The following USP34 variants were observed in gnomAD, a reference collection of about 807,000 sequenced individuals.
USP34 encodes ubiquitin specific peptidase 34.
A neutral mutation model predicts 460.3 loss-of-function variants in USP34; 70 were observed. That is an observed-to-expected ratio of 0.15 (90% CI 0.13 to 0.19). The LOEUF is 0.19. Among genes scored for constraint, USP34 ranks in the 10% least tolerant of loss-of-function variants. USP34 has a pLI of 1.00. For synonymous variants in USP34, 1,647 were observed against 1,405.3 expected, an observed-to-expected ratio of 1.17 and a Z score of -3.85; for missense variants, 3,985 against 4,236.2, an observed-to-expected ratio of 0.94 and a Z score of 1.65.
rs139556988 is a variant in USP34 at position 61,232,128 on chromosome 2, T to A, written c.7113+324A>T. On this transcript the variant is annotated intron_variant, in intron 58 of 79. Transcript: ENST00000398571. The stretch of plus-strand genomic sequence containing the variant: ...CTATAGTACCCTACCATGGTTAGAA[T>A]GTGTAAGGATTTTAAAAGAATCAGT... Among the ~76,000 whole-genome samples, 600 of 152,254 alleles carry A rather than the reference T, an allele frequency of 3.9e-3. 3 individuals are homozygous for A. The highest frequency in any genetic ancestry group is 0.011 in the African/African-American group (447 of 41,572).
chr2:61,210,825 C>G (rs891576939), intron 69 of USP34, among the ~76,000 whole-genome samples: 2 of 152,128 alleles, frequency 1.3e-5, no homozygotes, highest in Non-Finnish European at 2.9e-5. Context: ...ATCTTCCCAC[C>G]TCAGCCCCCC....
At chr2:61,439,861 G>C (rs1262823896) in intron 1 of USP34, among the ~76,000 whole-genome samples, 1 of 152,166 alleles carries the variant, frequency 6.6e-6, no homozygotes, top group Non-Finnish European at 1.5e-5. Context: ...GCCCAGAGAG[G>C]TGTCTGGGTG....
At chr2:61,275,535 A>C (rs1050345097) in intron 41 of USP34, among the ~76,000 whole-genome samples, 1 of 152,036 alleles carries the variant, frequency 6.6e-6, no homozygotes, top group African/African-American at 2.4e-5. Context: ...GGGGCAGGTG[A>C]ATCACTTGAT....
intron 1 of USP34, among the ~76,000 whole-genome samples, chr2:61,436,634 T>C (rs1195268489): frequency 1.3e-5 from 2 of 152,208 alleles, no homozygotes; most frequent in Admixed American, 1.3e-4. Flanking sequence ...ACAGATCATC[T>C]AGACAGAATA....
At chr2:61,319,108 C>A in intron 22 of USP34, 65 bp downstream of exon 22, 7 of 1,439,982 alleles carry the variant, frequency 4.9e-6, no homozygotes, top group South Asian at 2.9e-5. Context: ...TTACAGAATT[C>A]GTATTTCAAG....
chr2:61,385,679 A>AAAT (rs1434117224), intron 5 of USP34, among the ~76,000 whole-genome samples: 10 of 147,130 alleles, frequency 6.8e-5, no homozygotes, highest in Non-Finnish European at 1.5e-5. Flanking sequence ...CTCAAAAAAA[A>AAAT]AAAAAAAAAA....
At chr2:61,206,178 A>T (rs1218314255) in intron 71 of USP34, 54 bp from the exon 72 acceptor site, 5 of 1,452,900 alleles carry the variant, frequency 3.4e-6, no homozygotes, top group Non-Finnish European at 4.8e-6. Context: ...ACTTCCTCAC[A>T]AATGTTTTCT....
At chr2:61,208,477 T>G (rs555579889) in intron 70 of USP34, 1 of 152,544 alleles carries the variant, frequency 6.6e-6, no homozygotes, top group Non-Finnish European at 1.5e-5. Context: ...GTCCTCAACC[T>G]TGGCAAAATA....
chr2:61,394,855 T>C lies in USP34; in HGVS notation c.751A>G (p.Asn251Asp), dbSNP rs1419207077. ...GATCAATTCAAAACAATACTTACAT[T>C]AGACACAACTGTAATAAACGCATGT... ...IAHAFITVVS[N>D]IRIWLHIPAV... Residue 251 changes from asparagine to aspartate, a missense_variant and splice_region_variant, in exon 5 of 80, where the codon AAT becomes GAT. Physicochemically the swap from Asn to Asp is conservative, Grantham distance 23. This residue lies in a region of USP34 where 331 missense variants were observed against 293.7 expected (regional missense o/e 1.13). Transcript: ENST00000398571. 2 of 1,558,382 alleles carry C rather than the reference T, an allele frequency of 1.3e-6. No individual in the cohort carries two copies. Among genetic ancestry groups the C allele is most frequent in the Non-Finnish European group, 1.7e-6 (2 of 1,158,550 alleles).
At chr2:61,248,390 T>G (rs1450463225) in intron 49 of USP34, 121 bp downstream of exon 49, 8 of 966,782 alleles carry the variant, frequency 8.3e-6, no homozygotes, top group Non-Finnish European at 1.2e-5. Context: ...TGTCTTAACC[T>G]TCTCCCTTCT....
intron 1 of USP34, among the ~76,000 whole-genome samples, chr2:61,442,446 A>G (rs1218356840): frequency 6.6e-6 from 1 of 151,878 alleles, no homozygotes; most frequent in Non-Finnish European, 1.5e-5. Context: ...AAAAATGCAC[A>G]CACAATGTGA....
chr2:61,322,174 G>A (rs1690944327), intron 21 of USP34, among the ~76,000 whole-genome samples: 1 of 152,126 alleles, frequency 6.6e-6, no homozygotes, highest in Non-Finnish European at 1.5e-5. Flanking sequence ...AGGTTGCGGT[G>A]AGCCAAGATC....
chr2:61,236,397 T>G lies in USP34; in HGVS notation c.6778-8A>C. 6.3e-7 allele frequency: 1 copy of G among 1,579,320 alleles called. No individual in the cohort carries two copies. Among genetic ancestry groups the G allele is most frequent in the Non-Finnish European group, 8.6e-7 (1 of 1,163,858 alleles). On this transcript the variant is annotated splice_region_variant and splice_polypyrimidine_tract_variant and intron_variant, in intron 53 of 79. Coordinates refer to ENST00000398571, the MANE Select transcript of USP34 (RefSeq NM_014709.4). ...GTTATCATGCCAAATCCACTGAAAA[T>G]AAAAATGTTAACATTAGTGATAAAG...
In USP34 at chr2:61,417,744, C is replaced by CT. The variant is rs55680146; in HGVS notation, c.131+3001dup. 4.0e-3 allele frequency among the ~76,000 whole-genome samples: 349 copies of CT among 87,908 alleles called. 3 individuals carry two copies. The highest frequency in any genetic ancestry group is 0.013 in the African/African-American group (278 of 22,140). The allele number at this position is 87,908 out of a possible 152,430, so 57.7% of individuals were successfully genotyped here. A position where few individuals can be genotyped will look rare whatever the true frequency, so the allele number is the denominator to read the frequency against. ...CTTTTTTTTTTTCTTTTTTTCTTTTCTTTTTTTTTTTTTTTTTAGACAAAG... is the reference window on the plus strand; with the variant it reads ...CTTTTTTTTTTTCTTTTTTTCTTTTCTTTTTTTTTTTTTTTTTTAGACAAAG... On this transcript the variant is annotated intron_variant, in intron 2 of 79. Transcript: ENST00000398571.
At chr2:61,241,448 C>A (rs1238071389) in intron 53 of USP34, 112 bp downstream of exon 53, 1 of 663,324 alleles carries the variant, frequency 1.5e-6, no homozygotes, top group Non-Finnish European at 2.5e-6. Flanking sequence ...CTCTTAAGAT[C>A]TACTCAGAAT....
intron 43 of USP34, among the ~76,000 whole-genome samples, chr2:61,260,871 C>T (rs1414505092): frequency 6.6e-6 from 1 of 152,020 alleles, no homozygotes. Flanking sequence ...AAAGAGCTGC[C>T]TAAATTTATT....
chr2:61,426,111 T>G (rs1694504625), intron 1 of USP34, among the ~76,000 whole-genome samples: 1 of 152,066 alleles, frequency 6.6e-6, no homozygotes, highest in African/African-American at 2.4e-5. Flanking sequence ...AGTACTACAT[T>G]GAGGGCCTCA....
chr2:61,338,218 G>A (rs1002297157), intron 18 of USP34, among the ~76,000 whole-genome samples: 1 of 152,202 alleles, frequency 6.6e-6, no homozygotes, highest in Non-Finnish European at 1.5e-5. Flanking sequence ...CTACTCAGGA[G>A]GCTGAGGTGG....
intron 3 of USP34, among the ~76,000 whole-genome samples, chr2:61,403,379 T>G (rs1693777295): frequency 6.6e-6 from 1 of 152,094 alleles, no homozygotes. Context: ...TTGGAAAAAA[T>G]TTCTGTGAAT....
Sources: gnomAD v4.1 joint callset for allele counts (sites outside exome capture counted in the v4.1 genomes callset) on GRCh38, gnomAD v4.1.1 for gene constraint, gnomAD v4.1.1 regional missense constraint, MANE v1.5 for transcripts, NCBI Gene and HGNC (gene_info 2026-07-23, HGNC 2026-07-21) for gene names.